Variants in THRB observed in about 807,000 individuals in gnomAD.
The protein encoded by THRB is thyroid hormone receptor beta.
THRB carries 12 observed loss-of-function variants against 47.8 expected under a neutral mutation model. The ratio of observed to expected loss-of-function variants is 0.25; its 90% CI spans 0.16 to 0.41. The LOEUF (loss-of-function observed/expected upper bound fraction) is 0.41. THRB is among the 10% of genes least tolerant of loss of function. The pLI is 1.00. For synonymous variants in THRB, 218 were observed against 212.2 expected, an observed-to-expected ratio of 1.03 and a Z score of -0.24; for missense variants, 348 against 589.2, an observed-to-expected ratio of 0.59 and a Z score of 4.24.
intron 5 of THRB, among the ~76,000 whole-genome samples, chr3:24,161,884 T>G (rs946091581): frequency 4.2e-4 from 56 of 134,860 alleles, no homozygotes; most frequent in Admixed American, 4.0e-3. Flanking sequence ...AAATTCTTAT[T>G]CTCTTGGACA....
intron 1 of THRB, among the ~76,000 whole-genome samples, chr3:24,359,685 C>A (rs1046466936): frequency 4.6e-5 from 7 of 152,082 alleles, no homozygotes; most frequent in Non-Finnish European, 1.0e-4. Context: ...GGAAACATTG[C>A]CATGATTCAA....
chr3:24,376,330 C>T (rs545997839), intron 1 of THRB, among the ~76,000 whole-genome samples: 39 of 152,204 alleles, frequency 2.6e-4, no homozygotes, highest in Non-Finnish European at 4.4e-4. Context: ...AAATTGCAAC[C>T]TGGGGAAGTG....
At chr3:24,160,802 T>C (rs1346200339) in intron 5 of THRB, among the ~76,000 whole-genome samples, 1 of 152,170 alleles carries the variant, frequency 6.6e-6, no homozygotes, top group Non-Finnish European at 1.5e-5. Flanking sequence ...TGAAAAAGTA[T>C]CCATGGAGGC....
intron 1 of THRB, among the ~76,000 whole-genome samples, chr3:24,416,249 G>A (rs1444760998): frequency 6.6e-6 from 1 of 151,798 alleles, no homozygotes; most frequent in Admixed American, 6.6e-5. Flanking sequence ...TAGAAGAAGA[G>A]ATACTTGAAT....
At chr3:24,182,869 C>G (rs1272296307) in intron 5 of THRB, among the ~76,000 whole-genome samples, 2 of 152,200 alleles carry the variant, frequency 1.3e-5, no homozygotes, top group Non-Finnish European at 2.9e-5. Flanking sequence ...CTTTACCTGA[C>G]AGTAGAGCAG....
At chr3:24,420,310 T>A (rs569291944) in intron 1 of THRB, among the ~76,000 whole-genome samples, 1 of 151,946 alleles carries the variant, frequency 6.6e-6, no homozygotes, top group East Asian at 2.0e-4. Context: ...GGGGCCCTTT[T>A]GAAGAACTAC....
intron 1 of THRB, among the ~76,000 whole-genome samples, chr3:24,405,051 C>T (rs183996240): frequency 6.6e-5 from 10 of 152,066 alleles, no homozygotes; most frequent in Non-Finnish European, 1.5e-4. Context: ...GCCTCTTTCA[C>T]TGTGTGAGTT....
At chr3:24,296,356 T>C (rs73823282) in intron 3 of THRB, among the ~76,000 whole-genome samples, 19,658 of 152,274 alleles carry the variant, frequency 0.13, 1,377 homozygotes, top group South Asian at 0.21. Context: ...TTTAGGATAA[T>C]GTCGGCTTCG....
chr3:24,424,273 C>T (rs1281063260), intron 1 of THRB, among the ~76,000 whole-genome samples: 1 of 151,766 alleles, frequency 6.6e-6, no homozygotes, highest in Non-Finnish European at 1.5e-5. Context: ...AAAAAATACT[C>T]CATAGGATTC....
chr3:24,150,679 C>T (rs1281955536), intron 6 of THRB, among the ~76,000 whole-genome samples: 2 of 152,094 alleles, frequency 1.3e-5, no homozygotes, highest in Non-Finnish European at 2.9e-5. Context: ...ACGTATTGTC[C>T]TCTGTAAGGC....
chr3:24,250,712 A>G (rs2050581252), intron 3 of THRB, among the ~76,000 whole-genome samples: 1 of 152,278 alleles, frequency 6.6e-6, no homozygotes, highest in Middle Eastern at 3.4e-3. Flanking sequence ...TAAAAAGAAA[A>G]AGAGAAATAG....
At chr3:24,320,506 A>G (rs2058415266) in intron 2 of THRB, among the ~76,000 whole-genome samples, 1 of 152,108 alleles carries the variant, frequency 6.6e-6, no homozygotes, top group Non-Finnish European at 1.5e-5. Flanking sequence ...CATCACTGTG[A>G]CACCAACAAA....
chr3:24,160,313 A>T (rs1438697523), intron 5 of THRB, among the ~76,000 whole-genome samples: 2 of 152,184 alleles, frequency 1.3e-5, no homozygotes, highest in African/African-American at 4.8e-5. Context: ...AATTTGTGGT[A>T]ATGGAAAAGG....
At chr3:24,233,499 GAA>G (rs2048454175) in intron 3 of THRB, among the ~76,000 whole-genome samples, 2 of 139,986 alleles carry the variant, frequency 1.4e-5, no homozygotes, top group Non-Finnish European at 3.1e-5. Flanking sequence ...AAAAAGAAAG[GAA>G]GAAAGAAAGA....
At chr3:24,354,027 T>C (rs978479939) in intron 1 of THRB, among the ~76,000 whole-genome samples, 2 of 152,220 alleles carry the variant, frequency 1.3e-5, no homozygotes, top group Non-Finnish European at 2.9e-5. Context: ...TGCCACATTT[T>C]CTTTATCCAG....
intron 1 of THRB, among the ~76,000 whole-genome samples, chr3:24,439,983 G>A (rs1364838678): frequency 6.6e-6 from 1 of 152,134 alleles, no homozygotes; most frequent in African/African-American, 2.4e-5. Context: ...TTTTGTTTGG[G>A]ACACAGCAGT....
intron 1 of THRB, among the ~76,000 whole-genome samples, chr3:24,424,210 T>C (rs2069541194): frequency 6.6e-6 from 1 of 151,842 alleles, no homozygotes; most frequent in Non-Finnish European, 1.5e-5. Flanking sequence ...CCGCCCACCT[T>C]CCAGAGGTTT....
At position 24,388,417 on chromosome 3, in the gene THRB, C is replaced by A. The variant is rs1163653493; in HGVS notation, c.-260-51046G>T. Reference sequence around the variant, plus strand: ...CTGTCTCAGAATCTGCTTTCTAGAGCGCCTAACCTGTAACAGCCTGAGATA... The same window carrying A: ...CTGTCTCAGAATCTGCTTTCTAGAGAGCCTAACCTGTAACAGCCTGAGATA... On this transcript the variant is annotated intron_variant, in intron 1 of 10. Coordinates refer to ENST00000646209, the MANE Select transcript of THRB (RefSeq NM_001354712.2). Among the ~76,000 whole-genome samples, 8 of 152,112 alleles carry A rather than the reference C, an allele frequency of 5.3e-5. No individual in the cohort carries two copies. In the East Asian group the frequency reaches 5.8e-4, roughly 11 times the overall value.
chr3:24,179,430 A>G (rs1160218523), intron 5 of THRB, among the ~76,000 whole-genome samples: 1 of 152,252 alleles, frequency 6.6e-6, no homozygotes, highest in East Asian at 1.9e-4. Context: ...TATGCAAACA[A>G]ACACATACAG....
Sources: allele counts gnomAD v4.1 joint callset (sites outside exome capture counted in the v4.1 genomes callset), GRCh38; gene constraint gnomAD v4.1.1; transcripts MANE v1.5; gene names NCBI Gene and HGNC (gene_info 2026-07-23, HGNC 2026-07-21).